Variants in DNAH5 observed in about 807,000 individuals in gnomAD.
DNAH5 encodes the protein axonemal beta dynein heavy chain 5.
Under a neutral mutation model 518.2 loss-of-function variants are expected in DNAH5, and 372 were observed. The ratio of observed to expected loss-of-function variants is 0.72; its 90% CI spans 0.66 to 0.78. The LOEUF is 0.78. Ranked by LOEUF, DNAH5 falls within the 30% of genes least tolerant of loss-of-function variation. DNAH5 has a pLI of 0.00. For synonymous variants in DNAH5, 2,039 were observed against 2,025.9 expected, an observed-to-expected ratio of 1.01 and a Z score of -0.17; for missense variants, 5,523 against 5,687.0, an observed-to-expected ratio of 0.97 and a Z score of 0.93.
At chr5:13,795,316 G>A (rs943454949) in intron 47 of DNAH5, among the ~76,000 whole-genome samples, 1 of 151,806 alleles carries the variant, frequency 6.6e-6, no homozygotes, top group African/African-American at 2.4e-5. Context: ...GATTAATAAA[G>A]AAGAAAAGAG....
chr5:14,011,629 G>A (rs1785135757), intron 1 of DNAH5, among the ~76,000 whole-genome samples: 1 of 152,098 alleles, frequency 6.6e-6, no homozygotes, highest in Non-Finnish European at 1.5e-5. Flanking sequence ...GAGCCGCGTG[G>A]CCCGAGCGCG....
rs528498959 is a variant in DNAH5, at chr5:13,776,683, A to G, written c.9129T>C (p.Asp3043=). 12 of 1,613,696 alleles carry G rather than the reference A, an allele frequency of 7.4e-6. No homozygotes were observed. The East Asian group carries it at 2.2e-4, about 30-fold the overall frequency. Residue 3043 remains aspartate (D), a synonymous_variant, in exon 55 of 79, where the codon GAT becomes GAC. Coordinates refer to ENST00000265104, the MANE Select transcript of DNAH5 (RefSeq NM_001369.3). The stretch of plus-strand genomic sequence containing the variant: ...GGTCGCTATTAATTTCATCAATTTC[A>G]TCTCGAGCAAATAGGTTAGAGACCT... ...SGEVSNLFAR[D]EIDEINSDLA... is the part of the protein sequence containing the mutation.
In DNAH5 at chr5:13,732,758, A is replaced by G. The variant is rs1200571897; in HGVS notation, c.11761+2373T>C. Among the ~76,000 whole-genome samples the G allele has an allele frequency of 2.0e-5, 3 of 152,120 alleles. No homozygotes were observed. The East Asian group carries it at 5.8e-4, about 29-fold the overall frequency. The stretch of plus-strand genomic sequence containing the variant: ...CAAAAATCCCTCCATCTCATGCCAT[A>G]ACCTTGGGGTTTAGGTTTTCATCAT... On this transcript the variant is annotated intron_variant, in intron 68 of 78. Transcript: ENST00000265104.
At chr5:13,704,227 C>G (rs1228780404) in intron 76 of DNAH5, among the ~76,000 whole-genome samples, 1 of 152,188 alleles carries the variant, frequency 6.6e-6, no homozygotes, top group Non-Finnish European at 1.5e-5. Context: ...GGAAGCCCAG[C>G]CAGCCAGCCC....
chr5:13,767,855 G>T (rs903078501), intron 58 of DNAH5, among the ~76,000 whole-genome samples: 3 of 152,024 alleles, frequency 2.0e-5, no homozygotes, highest in African/African-American at 4.8e-5. Context: ...TTTTATTTTT[G>T]CTCTGAGCTG....
chr5:13,861,794 TA>T (rs1177408610), intron 29 of DNAH5, among the ~76,000 whole-genome samples: 4 of 151,726 alleles, frequency 2.6e-5, no homozygotes, highest in Non-Finnish European at 5.9e-5. Context: ...CTGTCTCTAC[TA>T]AAAATACAAA....
chr5:13,888,745 G>A (rs1772767185), intron 17 of DNAH5, among the ~76,000 whole-genome samples: 1 of 152,110 alleles, frequency 6.6e-6, no homozygotes, highest in African/African-American at 2.4e-5. Context: ...AAAGCAATTT[G>A]GCTACCAATA....
chr5:13,887,275 C>T (rs1772564847), intron 17 of DNAH5, among the ~76,000 whole-genome samples: 1 of 152,186 alleles, frequency 6.6e-6, no homozygotes, highest in Admixed American at 6.5e-5. Context: ...TTGATAACCT[C>T]TCAAAGACTA....
At chr5:13,777,657 T>G (rs557699612) in intron 53 of DNAH5, among the ~76,000 whole-genome samples, 1 of 152,322 alleles carries the variant, frequency 6.6e-6, no homozygotes, top group East Asian at 1.9e-4. Flanking sequence ...TCAAAATTTT[T>G]TGACAATGAT....
intron 32 of DNAH5, among the ~76,000 whole-genome samples, chr5:13,844,392 A>G (rs2151868973): frequency 6.6e-6 from 1 of 152,324 alleles, no homozygotes; most frequent in Non-Finnish European, 1.5e-5. Flanking sequence ...ACCTATCGTG[A>G]GTCTCATGCA....
intron 1 of DNAH5, among the ~76,000 whole-genome samples, chr5:13,952,132 T>G (rs1156631079): frequency 5.1e-5 from 1 of 19,626 alleles, no homozygotes; most frequent in East Asian, 1.0e-3. Context: ...AGCACATTAA[T>G]TAACTAGAGG....
intron 19 of DNAH5, among the ~76,000 whole-genome samples, chr5:13,883,551 C>A (rs2151939438): frequency 6.6e-6 from 1 of 152,068 alleles, no homozygotes; most frequent in East Asian, 1.9e-4. Context: ...GTGTAAAATC[C>A]AAATGTGGAG....
chr5:13,984,159 A>G (rs1237189976), intron 1 of DNAH5, among the ~76,000 whole-genome samples: 1 of 152,192 alleles, frequency 6.6e-6, no homozygotes, highest in Non-Finnish European at 1.5e-5. Context: ...GCCAGCTTTG[A>G]AGGAGCCTGG....
chr5:13,838,971 T>C (rs1202999769), intron 35 of DNAH5, among the ~76,000 whole-genome samples: 1 of 145,866 alleles, frequency 6.9e-6, no homozygotes, highest in Non-Finnish European at 1.5e-5. Context: ...GATACTCAAT[T>C]TCTTTCCTGC....
intron 1 of DNAH5, among the ~76,000 whole-genome samples, chr5:13,989,958 G>A (rs10075291): frequency 0.29 from 44,350 of 151,798 alleles, 6,761 homozygotes; most frequent in East Asian, 0.6. Flanking sequence ...TTCACAACAG[G>A]GCTGCGAAGT....
At chr5:13,729,370 T>G in intron 69 of DNAH5, 69 bp downstream of exon 69, 1 of 1,595,312 alleles carries the variant, frequency 6.3e-7, no homozygotes, top group Non-Finnish European at 8.6e-7. Context: ...CCACAAATAT[T>G]GTACCTAGTG....
At chr5:13,921,477 A>ACTCC (rs70964520) in intron 5 of DNAH5, among the ~76,000 whole-genome samples, 3,486 of 74,200 alleles carry the variant, frequency 0.047, 117 homozygotes, top group Middle Eastern at 0.082. Flanking sequence ...TCTCTCTCTC[A>ACTCC]CACACACACA....
intron 1 of DNAH5, among the ~76,000 whole-genome samples, chr5:14,000,471 T>C (rs1784277486): frequency 6.6e-6 from 1 of 152,210 alleles, no homozygotes; most frequent in South Asian, 2.1e-4. Flanking sequence ...AAAATGAATA[T>C]GTTTCTCTCA....
intron 1 of DNAH5, among the ~76,000 whole-genome samples, chr5:13,954,061 G>A (rs866015534): frequency 1.3e-5 from 2 of 152,106 alleles, no homozygotes; most frequent in Non-Finnish European, 2.9e-5. Context: ...GGTCAAACCT[G>A]GTGGTAAAAT....
Sources: allele counts gnomAD v4.1 joint callset (sites outside exome capture counted in the v4.1 genomes callset), GRCh38; gene constraint gnomAD v4.1.1; transcripts MANE v1.5; gene names NCBI Gene and HGNC (gene_info 2026-07-23, HGNC 2026-07-21).